CENPF: variants seen among roughly 807,000 people sequenced by gnomAD.
The protein encoded by CENPF is AH antigen.
CENPF carries 214 observed loss-of-function variants against 307.3 expected under a neutral mutation model. That is an observed-to-expected ratio of 0.70 (90% CI 0.62 to 0.78). CENPF has a LOEUF of 0.78. Ranked by LOEUF, CENPF falls within the 30% of genes least tolerant of loss-of-function variation. The pLI is 0.00. For missense variants in CENPF, 3,401 were observed against 3,483.9 expected (o/e 0.98, Z 0.60); for synonymous variants, 1,259 against 1,270.6 (o/e 0.99, Z 0.19).
chr1:214,605,678 G>C, intron 1 of CENPF: 3 of 1,584,742 alleles, frequency 1.9e-6, no homozygotes, highest in Non-Finnish European at 2.6e-6. Context: ...GCCGCCGCTA[G>C]GCGAGCTGGC....
intron 16 of CENPF, 66 bp from the exon 17 acceptor site, chr1:214,655,169 CTTATAA>C (rs1658596810): frequency 4.3e-6 from 4 of 931,532 alleles, no homozygotes; most frequent in Non-Finnish European, 6.1e-6. Context: ...AATCTTATAT[CTTATAA>C]TTATTTTTCC....
Position 214,640,726 on chromosome 1 carries a change from C to G in CENPF, c.2388C>G (p.Ser796=). The stretch of plus-strand genomic sequence containing the variant: ...ATCAGCAGCCTGCCATGCATCATTC[C>G]TTTGCAAATATAATTGGAGAACAAG... The part of the protein sequence containing the change: ...AFDQQPAMHH[S]FANIIGEQGS... Residue 796 remains serine, a synonymous_variant, in exon 12 of 20, where the codon TCC becomes TCG. Coordinates refer to ENST00000366955, the MANE Select transcript of CENPF (RefSeq NM_016343.4). 2 of 1,614,070 alleles carry G rather than the reference C, an allele frequency of 1.2e-6. No homozygotes were observed. Among genetic ancestry groups the G allele is most frequent in the South Asian group, 2.2e-5 (2 of 91,072 alleles).
chr1:214,618,236 C>A (rs1338272818), intron 3 of CENPF, among the ~76,000 whole-genome samples: 4 of 152,186 alleles, frequency 2.6e-5, no homozygotes, highest in Non-Finnish European at 5.9e-5. Flanking sequence ...ATGGGAACTA[C>A]AATTCAAGAT....
At chr1:214,647,423 G>A (rs1658344021) in intron 13 of CENPF, 23 bp downstream of exon 13, 6 of 1,574,636 alleles carry the variant, frequency 3.8e-6, no homozygotes, top group Non-Finnish European at 5.2e-6. Context: ...ATCTGTTTAT[G>A]TTTAAATATG....
chr1:214,635,153 C>G (rs902181018), intron 10 of CENPF, among the ~76,000 whole-genome samples: 1 of 152,184 alleles, frequency 6.6e-6, no homozygotes, highest in Non-Finnish European at 1.5e-5. Flanking sequence ...ACACTAGGTC[C>G]TCTAAGGAGC....
chr1:214,609,147 G>A (rs1657131173), intron 1 of CENPF, among the ~76,000 whole-genome samples: 1 of 151,902 alleles, frequency 6.6e-6, no homozygotes, highest in African/African-American at 2.4e-5. Context: ...CCGTGCGTCC[G>A]TCGGTCCCTC....
chr1:214,639,841 G>A, intron 11 of CENPF, 80 bp from the exon 12 acceptor site: 2 of 918,088 alleles, frequency 2.2e-6, no homozygotes, highest in Non-Finnish European at 3.0e-6. Flanking sequence ...ATTTTGCCAG[G>A]GGGCGGGGGG....
At chr1:214,633,117 A>G (rs923414952) in intron 10 of CENPF, among the ~76,000 whole-genome samples, 21 of 152,250 alleles carry the variant, frequency 1.4e-4, no homozygotes, top group African/African-American at 5.1e-4. Context: ...TTATAAAAAC[A>G]TCAAGCAATT....
chr1:214,636,408 G>C (rs1657968839), intron 10 of CENPF, among the ~76,000 whole-genome samples: 1 of 152,192 alleles, frequency 6.6e-6, no homozygotes, highest in East Asian at 1.9e-4. Flanking sequence ...CTTTAGTTCT[G>C]ATTGATATCT....
intron 10 of CENPF, among the ~76,000 whole-genome samples, chr1:214,634,265 G>A (rs1657896988): frequency 6.6e-6 from 1 of 152,196 alleles, no homozygotes; most frequent in South Asian, 2.1e-4. Flanking sequence ...TTATGGTTAT[G>A]TTTATGTATG....
At chr1:214,620,982 G>C (rs1657490071) in intron 6 of CENPF, 36 bp downstream of exon 6, 1 of 1,552,026 alleles carries the variant, frequency 6.4e-7, no homozygotes, top group African/African-American at 1.4e-5. Flanking sequence ...AATTCACTTT[G>C]CTTGAGGTAA....
intron 3 of CENPF, among the ~76,000 whole-genome samples, chr1:214,616,235 G>T (rs1039928036): frequency 3.3e-5 from 5 of 152,072 alleles, no homozygotes; most frequent in African/African-American, 1.2e-4. Context: ...TAATAGCAGG[G>T]TATACTTTTG....
intron 1 of CENPF, chr1:214,608,247 C>A (rs1558167027): frequency 2.4e-5 from 35 of 1,478,344 alleles, no homozygotes; most frequent in Non-Finnish European, 3.2e-5. Flanking sequence ...GAAGCCCGCC[C>A]CCCGGCCCCC....
intron 1 of CENPF, chr1:214,605,946 C>G: frequency 6.3e-7 from 1 of 1,597,336 alleles, no homozygotes; most frequent in Non-Finnish European, 8.5e-7. Context: ...TCGGGGAAGG[C>G]GACGCGCATG....
intron 17 of CENPF, 146 bp from the exon 18 acceptor site, chr1:214,656,787 A>G: frequency 1.7e-6 from 1 of 604,828 alleles, no homozygotes; most frequent in Non-Finnish European, 2.9e-6. Context: ...TGTTTGAACT[A>G]TAAGAACATA....
chr1:214,658,097 G>C (rs1459700367), intron 18 of CENPF, among the ~76,000 whole-genome samples: 2 of 152,144 alleles, frequency 1.3e-5, no homozygotes, highest in Admixed American at 1.3e-4. Context: ...CTTTGCCATT[G>C]ATGGTTTGAA....
rs774831022 is a variant in CENPF, at chr1:214,639,933, C to G, written c.1595C>G (p.Ser532Cys). ...TATTTTTAAATAGCGAAGAATACCT[C>G]TCAGGAAACCATGTTAAGAGATCTT... ...FAEEMKAKNTSQETMLRDLQE... is the reference protein window; with the variant it reads ...FAEEMKAKNTCQETMLRDLQE... Residue 532 changes from serine to cysteine, a missense_variant, in exon 12 of 20, where the codon TCT becomes TGT. Transcript: ENST00000366955. The G allele has an allele frequency of 6.0e-5, 92 of 1,526,392 alleles. No individual in the cohort carries two copies. Among genetic ancestry groups the G allele is most frequent in the Non-Finnish European group, 7.9e-5 (91 of 1,145,626 alleles). The allele number at this position is 1,526,392 out of a possible 1,614,324, so 94.6% of individuals were successfully genotyped here. A position where few individuals can be genotyped will look rare whatever the true frequency, so the allele number is the denominator to read the frequency against.
chr1:214,620,735 A>C lies in CENPF; in HGVS notation c.654A>C (p.Ser218=). The change falls in exon 6 of 20, where the codon TCA becomes TCC. Residue 218 remains serine, a synonymous_variant. Transcript: ENST00000366955. ...ARHQASSSVF[S]WQQEKTPSHL... is the part of the protein sequence containing the mutation. Reference sequence around the variant, plus strand: ...ATCAGGCTTCATCATCTGTGTTCTCATGGCAGCAAGAGAAGACCCCAAGTC... The same window carrying C: ...ATCAGGCTTCATCATCTGTGTTCTCCTGGCAGCAAGAGAAGACCCCAAGTC... 2 of 1,614,144 alleles carry C rather than the reference A, an allele frequency of 1.2e-6. No homozygotes were observed. The highest frequency in any genetic ancestry group is 2.2e-5 in the East Asian group (1 of 44,876).
In CENPF at chr1:214,640,757, A is replaced by G; in HGVS notation, c.2419A>G (p.Met807Val). ...FANIIGEQGS[M>V]PSERSECRLE... Reference sequence around the variant, plus strand: ...AAATATAATTGGAGAACAAGGAAGCATGCCTTCAGAGAGGAGTGAATGTCG... The same window carrying G: ...AAATATAATTGGAGAACAAGGAAGCGTGCCTTCAGAGAGGAGTGAATGTCG... Residue 807 changes from methionine to valine, a missense_variant, in exon 12 of 20, where the codon ATG becomes GTG. Met to Val is a conservative substitution (Grantham distance 21, BLOSUM62 1). Coordinates refer to ENST00000366955, the MANE Select transcript of CENPF (RefSeq NM_016343.4). 1 of 1,614,136 alleles carries G rather than the reference A, an allele frequency of 6.2e-7. No individual in the cohort carries two copies.
Sources: allele counts gnomAD v4.1 joint callset (sites outside exome capture counted in the v4.1 genomes callset), GRCh38; gene constraint gnomAD v4.1.1; transcripts MANE v1.5; gene names NCBI Gene and HGNC (gene_info 2026-07-23, HGNC 2026-07-21).